The following SLC7A8 variants were observed in gnomAD, a reference collection of about 807,000 sequenced individuals.
The protein encoded by SLC7A8 is solute carrier family 7 member 8, also known as large neutral amino acids transporter small subunit 2.
SLC7A8 carries 30 observed loss-of-function variants against 51.2 expected under a neutral mutation model. The observed-to-expected ratio is 0.59, with a 90% CI of 0.44 to 0.80. The LOEUF is 0.80. Ranked by LOEUF, SLC7A8 falls within the 30% of genes least tolerant of loss-of-function variation. The pLI is 0.00. For missense variants in SLC7A8, 612 were observed against 674.4 expected, an observed-to-expected ratio of 0.91 and a Z score of 1.03; for synonymous variants, 257 against 275.8, an observed-to-expected ratio of 0.93 and a Z score of 0.67.
At chr14:23,130,489 G>T (rs2048621897) in intron 8 of SLC7A8, among the ~76,000 whole-genome samples, 1 of 152,138 alleles carries the variant, frequency 6.6e-6, no homozygotes, top group African/African-American at 2.4e-5. Flanking sequence ...CTGTTCTCTT[G>T]TGAGATCCGA....
chr14:23,179,437 T>G (rs1015279790), intron 1 of SLC7A8, among the ~76,000 whole-genome samples: 4 of 152,070 alleles, frequency 2.6e-5, no homozygotes, highest in African/African-American at 9.7e-5. Flanking sequence ...GTAGTTTAAA[T>G]TATCCCTCTT....
At chr14:23,131,999 A>ATTTTTT (rs1201371313) in intron 7 of SLC7A8, among the ~76,000 whole-genome samples, 17 of 98,144 alleles carry the variant, frequency 1.7e-4, no homozygotes, top group African/African-American at 3.9e-4. Flanking sequence ...AAAACACTCT[A>ATTTTTT]TTTTTTTTTT....
chr14:23,146,160 G>C (rs553157025), intron 3 of SLC7A8, among the ~76,000 whole-genome samples: 10 of 152,280 alleles, frequency 6.6e-5, no homozygotes, highest in African/African-American at 2.4e-4. Context: ...AGACACAGCA[G>C]TAACTCAAGG....
intron 3 of SLC7A8, among the ~76,000 whole-genome samples, chr14:23,163,276 C>A (rs1299901626): frequency 2.0e-5 from 3 of 152,186 alleles, no homozygotes; most frequent in Non-Finnish European, 4.4e-5. Context: ...GGATTACACT[C>A]CCCATCTCAC....
At position 23,126,871 on chromosome 14, in the gene SLC7A8, C is replaced by G; in HGVS notation, c.*306G>C. Reference sequence around the variant, plus strand: ...TGAGCTCCGGTTCCTGAAGAGGCAGCTGAGGGTGTGGCCCGGAGGGAGGTC... The same window carrying G: ...TGAGCTCCGGTTCCTGAAGAGGCAGGTGAGGGTGTGGCCCGGAGGGAGGTC... On this transcript the variant is annotated 3_prime_UTR_variant, in exon 11 of 11. Coordinates refer to ENST00000316902, the MANE Select transcript of SLC7A8 (RefSeq NM_012244.4). The G allele has an allele frequency of 2.4e-6, 1 of 415,302 alleles. No individual in the cohort carries two copies. Among genetic ancestry groups the G allele is most frequent in the East Asian group, 4.5e-5 (1 of 22,218 alleles). The allele number at this position is 415,302 out of a possible 1,614,324, so 25.7% of individuals were successfully genotyped here. A position where few individuals can be genotyped will look rare whatever the true frequency, so the allele number is the denominator to read the frequency against.
chr14:23,135,452 C>T (rs902895808), intron 7 of SLC7A8, among the ~76,000 whole-genome samples: 1 of 151,418 alleles, frequency 6.6e-6, no homozygotes, highest in Non-Finnish European at 1.5e-5. Context: ...CCTGTAATTC[C>T]AGCACTTTGG....
chr14:23,179,474 T>C (rs1448118946), intron 1 of SLC7A8, among the ~76,000 whole-genome samples: 1 of 151,740 alleles, frequency 6.6e-6, no homozygotes, highest in Non-Finnish European at 1.5e-5. Context: ...GAGAGATAGA[T>C]TTAGGGCAAA....
intron 1 of SLC7A8, among the ~76,000 whole-genome samples, chr14:23,172,388 ATT>A (rs1321747278): frequency 2.6e-5 from 4 of 152,204 alleles, no homozygotes; most frequent in African/African-American, 9.7e-5. Context: ...AAAGGTATTT[ATT>A]GAGCGCCCAC....
chr14:23,178,879 T>C (rs570559725), intron 1 of SLC7A8, among the ~76,000 whole-genome samples: 26 of 134,320 alleles, frequency 1.9e-4, no homozygotes, highest in Non-Finnish European at 1.4e-4. Context: ...AGTGAGATCT[T>C]GTCTCCAAAA....
In SLC7A8 at chr14:23,170,736, C is replaced by T. The variant is rs544281982; in HGVS notation, c.152-4196G>A. Among the ~76,000 whole-genome samples, 10 of 151,442 alleles carry T rather than the reference C, an allele frequency of 6.6e-5. No individual in the cohort carries two copies. In the South Asian group the frequency reaches 1.0e-3, roughly 16 times the overall value. On this transcript the variant is annotated intron_variant, in intron 1 of 10. Coordinates refer to ENST00000316902, the MANE Select transcript of SLC7A8 (RefSeq NM_012244.4). ...GGCCTCCCAAAGTGCTGGGATTACA[C>T]GCTTGGCTGTGGGTCTCACCACTCT...
chr14:23,170,533 A>T (rs1383149953), intron 1 of SLC7A8, among the ~76,000 whole-genome samples: 3 of 151,952 alleles, frequency 2.0e-5, no homozygotes, highest in African/African-American at 7.3e-5. Flanking sequence ...ATCTCAGCTC[A>T]CTGCAACCTC....
intron 1 of SLC7A8, among the ~76,000 whole-genome samples, chr14:23,178,567 C>A (rs1308879926): frequency 6.6e-6 from 1 of 150,616 alleles, no homozygotes; most frequent in Non-Finnish European, 1.5e-5. Flanking sequence ...AGCAGGCATT[C>A]TGTTAAACAC....
intron 1 of SLC7A8, among the ~76,000 whole-genome samples, chr14:23,171,547 C>T (rs2048975354): frequency 6.6e-6 from 1 of 152,184 alleles, no homozygotes; most frequent in Non-Finnish European, 1.5e-5. Flanking sequence ...TTCTGATGCC[C>T]AACAGACCCT....
rs1233140014 is a variant in SLC7A8 at position 23,155,125 on chromosome 14, CA to C, written c.508+10159del. On this transcript the variant is annotated intron_variant, in intron 3 of 10. Coordinates refer to ENST00000316902, the MANE Select transcript of SLC7A8 (RefSeq NM_012244.4). ...GATCTTGCCTATCGCACGATAGTAACATTTCCCCTTCTCCAGCCCTTTTCAT... is the reference window on the plus strand; with the variant it reads ...GATCTTGCCTATCGCACGATAGTAACTTTCCCCTTCTCCAGCCCTTTTCAT... 6.6e-6 allele frequency: 10 copies of C among 1,517,176 alleles called. No homozygotes were observed. In the African/African-American group the frequency reaches 1.4e-4, roughly 21 times the overall value. The allele number at this position is 1,517,176 out of a possible 1,614,324, so 94.0% of individuals were successfully genotyped here.
intron 3 of SLC7A8, among the ~76,000 whole-genome samples, chr14:23,160,535 C>T (rs1436741843): frequency 2.0e-5 from 3 of 146,536 alleles, no homozygotes; most frequent in African/African-American, 5.1e-5. Context: ...CGCGCCACTG[C>T]ACTCCAGCCT....
At chr14:23,147,332 C>T (rs1047164279) in intron 3 of SLC7A8, among the ~76,000 whole-genome samples, 2 of 152,192 alleles carry the variant, frequency 1.3e-5, no homozygotes, top group African/African-American at 4.8e-5. Flanking sequence ...AGACACAAGT[C>T]CCTGCCTTTA....
rs1219598268 is a variant in SLC7A8, at chr14:23,128,275, C to T, written c.1264-79G>A. The T allele has an allele frequency of 6.3e-7, 1 of 1,579,274 alleles. No homozygotes were observed. Among genetic ancestry groups the T allele is most frequent in the Non-Finnish European group, 8.6e-7 (1 of 1,163,154 alleles). ...GACTAGGGACTGGGGCATTCTCTCT[C>T]TTCTTCACCCACAGAGACACATCCT... On this transcript the variant is annotated intron_variant, in intron 9 of 10. Coordinates refer to ENST00000316902, the MANE Select transcript of SLC7A8 (RefSeq NM_012244.4). The surrounding 1 kb of genome is among the most constrained non-coding windows in gnomAD (Gnocchi z 4.3).
intron 3 of SLC7A8, among the ~76,000 whole-genome samples, chr14:23,148,337 T>A (rs2048816479): frequency 6.6e-6 from 1 of 152,136 alleles, no homozygotes. Flanking sequence ...AAAACGATTC[T>A]CCTGCCTCAG....
At chr14:23,143,008 C>T in intron 4 of SLC7A8, 71 bp downstream of exon 4, 1 of 1,572,436 alleles carries the variant, frequency 6.4e-7, no homozygotes, top group Admixed American at 1.7e-5. Flanking sequence ...ACTTCCAAAG[C>T]TGGGCTGAGA....
Sources: gnomAD v4.1 joint callset for allele counts (sites outside exome capture counted in the v4.1 genomes callset) on GRCh38, gnomAD v4.1.1 for gene constraint, Gnocchi (gnomAD v3.1) non-coding constraint, MANE v1.5 for transcripts, NCBI Gene and HGNC (gene_info 2026-07-23, HGNC 2026-07-21) for gene names.